OR2AT4: variants seen among roughly 807,000 people sequenced by gnomAD.
The protein encoded by OR2AT4 is olfactory receptor family 2 subfamily AT member 4.
OR2AT4 carries 6 observed loss-of-function variants against 10.3 expected under a neutral mutation model. That is an observed-to-expected ratio of 0.58 (90% CI 0.32 to 1.15). The LOEUF is 1.15. OR2AT4 is among the 50% of genes most tolerant of loss of function. OR2AT4 has a pLI of 0.05. For synonymous variants in OR2AT4, 145 were observed against 159.1 expected (o/e 0.91, Z 0.67); for missense variants, 354 against 393.8 (o/e 0.90, Z 0.85).
exon 2 of OR2AT4, chr11:75,085,694 T>C (rs1387781711): frequency 3.3e-5 from 5 of 152,096 alleles, no homozygotes; most frequent in Non-Finnish European, 5.9e-5. Flanking sequence ...CAGTTTGTAA[T>C]GAATAAAATT....
exon 2 of OR2AT4, chr11:75,082,718 A>C (rs1473521022): frequency 6.6e-6 from 1 of 152,206 alleles, no homozygotes; most frequent in Non-Finnish European, 1.5e-5. Context: ...ACCTAATTAA[A>C]CTAAACAGTT....
exon 2 of OR2AT4, chr11:75,083,181 T>C (rs1482842357): frequency 6.6e-6 from 1 of 152,174 alleles, no homozygotes; most frequent in African/African-American, 2.4e-5. Flanking sequence ...ATTCAGAATC[T>C]ATAAGGAACT....
chr11:75,088,697 G>T, exon 2 of OR2AT4: 1 of 1,493,548 alleles, frequency 6.7e-7, no homozygotes, highest in Admixed American at 2.3e-5. Flanking sequence ...TCCTTTCTCT[G>T]TGCTAAGCAC....
chr11:75,089,859 C>G (rs1230320808), exon 2 of OR2AT4: 3 of 886,126 alleles, frequency 3.4e-6, no homozygotes, highest in South Asian at 3.7e-5. Flanking sequence ...TTATTTACAA[C>G]CAACTGTAGA....
intron 1 of OR2AT4, among the ~76,000 whole-genome samples, chr11:75,091,196 A>G (rs578197589): frequency 6.6e-6 from 1 of 152,346 alleles, no homozygotes; most frequent in South Asian, 2.1e-4. Flanking sequence ...GAAGGGAGGA[A>G]TCTGTCTGAT....
exon 2 of OR2AT4, chr11:75,089,177 G>C: frequency 6.2e-7 from 1 of 1,614,170 alleles, no homozygotes; most frequent in Non-Finnish European, 8.5e-7. Context: ...AGCAGTGGTA[G>C]ATGTAGGCAA....
At chr11:75,086,169 C>T (rs530825762) in exon 2 of OR2AT4, 4 of 152,236 alleles carry the variant, frequency 2.6e-5, no homozygotes, top group African/African-American at 9.6e-5. Context: ...AAACCTCACA[C>T]CTTACCCAAG....
exon 2 of OR2AT4, chr11:75,082,467 T>G (rs1422856784): frequency 6.6e-6 from 1 of 151,768 alleles, no homozygotes; most frequent in Non-Finnish European, 1.5e-5. Context: ...AATAAATAAA[T>G]AAATAAATAG....
chr11:75,089,619 A>G (rs1949312407), exon 2 of OR2AT4: 1 of 1,614,142 alleles, frequency 6.2e-7, no homozygotes, highest in East Asian at 2.2e-5. Context: ...AATAAAAAAC[A>G]CAGGGAGGAA....
chr11:75,089,616 AAC>A lies in OR2AT4; in HGVS notation c.96_97del (p.Phe34TyrfsTer13). 4 of 1,614,110 alleles carry A rather than the reference AAC, an allele frequency of 2.5e-6. No homozygotes were observed. The highest frequency in any genetic ancestry group is 3.4e-6 in the Non-Finnish European group (4 of 1,180,016). ...AAGGTAGAAGAGGAGGAAAATAAAA[AAC>A]ACAGGGAGGAAGAAGGTCTCTGGCA... is the stretch of plus-strand genomic sequence containing the variant. On this transcript the variant is annotated frameshift_variant, in exon 2 of 2. Transcript: ENST00000641504. LOFTEE classifies it high-confidence loss of function.
At chr11:75,090,668 C>T (rs1949316907) in intron 1 of OR2AT4, among the ~76,000 whole-genome samples, 1 of 152,168 alleles carries the variant, frequency 6.6e-6, no homozygotes, top group Non-Finnish European at 1.5e-5. Context: ...AAAAGGCTTA[C>T]AAAACATACT....
chr11:75,084,628 T>TA (rs777064159), exon 2 of OR2AT4: 1 of 152,060 alleles, frequency 6.6e-6, no homozygotes, highest in Non-Finnish European at 1.5e-5. Flanking sequence ...AATAGGCCAT[T>TA]AAAAAAATTT....
chr11:75,096,668 C>T (rs1169100996), intron 1 of OR2AT4, among the ~76,000 whole-genome samples, 160 bp downstream of exon 1: 1 of 152,196 alleles, frequency 6.6e-6, no homozygotes. Flanking sequence ...GTCTGGTCTA[C>T]ACTCACCCAG....
intron 1 of OR2AT4, among the ~76,000 whole-genome samples, chr11:75,095,909 C>T (rs887916855): frequency 6.6e-6 from 1 of 152,130 alleles, no homozygotes; most frequent in Non-Finnish European, 1.5e-5. Context: ...AAGTCCTGAT[C>T]TCAAGTGATC....
intron 1 of OR2AT4, among the ~76,000 whole-genome samples, chr11:75,093,804 C>CTTTTTT (rs1166766222): frequency 2.3e-5 from 2 of 88,346 alleles, no homozygotes; most frequent in Admixed American, 1.4e-4. Flanking sequence ...TTTTCTTTTT[C>CTTTTTT]TTTTTCTTTT....
intron 1 of OR2AT4, among the ~76,000 whole-genome samples, chr11:75,095,909 C>A (rs887916855): frequency 2.0e-5 from 3 of 152,130 alleles, no homozygotes; most frequent in Non-Finnish European, 4.4e-5. Context: ...AAGTCCTGAT[C>A]TCAAGTGATC....
At chr11:75,085,514 C>A (rs551359617) in exon 2 of OR2AT4, 13 of 152,032 alleles carry the variant, frequency 8.6e-5, no homozygotes, top group African/African-American at 3.1e-4. Context: ...TTTTATGAGG[C>A]CAGCATTTAT....
chr11:75,095,747 G>A (rs886630763), intron 1 of OR2AT4, among the ~76,000 whole-genome samples: 1 of 146,558 alleles, frequency 6.8e-6, no homozygotes, highest in Non-Finnish European at 1.5e-5. Context: ...GCACGATCTC[G>A]GCTCACTGCA....
chr11:75,088,024 G>C (rs1949298257), exon 2 of OR2AT4: 1 of 152,010 alleles, frequency 6.6e-6, no homozygotes, highest in Non-Finnish European at 1.5e-5. Flanking sequence ...ACATATCCTA[G>C]AGATGATATC....
Sources: gnomAD v4.1 joint callset for allele counts (sites outside exome capture counted in the v4.1 genomes callset) on GRCh38, gnomAD v4.1.1 for gene constraint, MANE v1.5 for transcripts, NCBI Gene and HGNC (gene_info 2026-07-23, HGNC 2026-07-21) for gene names.